PACRG: variants seen among roughly 807,000 people sequenced by gnomAD.
PACRG encodes parkin coregulated, also known as parkin coregulated gene protein.
Under a neutral mutation model 29.7 loss-of-function variants are expected in PACRG, and 29 were observed. That is an observed-to-expected ratio of 0.98 (90% CI 0.73 to 1.33). The LOEUF (loss-of-function observed/expected upper bound fraction) is 1.33, where lower values mean the gene tolerates loss of function less well. Ranked by LOEUF, PACRG falls within the 40% of genes most tolerant of loss-of-function variation. The pLI is 0.00. For missense variants in PACRG, 279 were observed against 316.2 expected (o/e 0.88, Z 0.89); for synonymous variants, 116 against 118.7 (o/e 0.98, Z 0.15).
intron 2 of PACRG, among the ~76,000 whole-genome samples, chr6:163,029,312 A>G (rs758853749): frequency 2.5e-4 from 38 of 152,246 alleles, no homozygotes; most frequent in Middle Eastern, 3.4e-3. Flanking sequence ...TATCAGATAC[A>G]CTTGTGTTGT....
chr6:163,157,583 G>T (rs1343331953), intron 4 of PACRG, among the ~76,000 whole-genome samples: 2 of 152,164 alleles, frequency 1.3e-5, no homozygotes, highest in East Asian at 3.9e-4. Flanking sequence ...ACATTAGGCT[G>T]CAGAGCTCGT....
intron 2 of PACRG, among the ~76,000 whole-genome samples, chr6:163,015,329 G>A (rs1220493903): frequency 6.6e-6 from 1 of 151,994 alleles, no homozygotes; most frequent in Non-Finnish European, 1.5e-5. Context: ...TTGGCTATTC[G>A]GCCTCATTTC....
chr6:163,249,118 C>T (rs2128171505), intron 4 of PACRG, among the ~76,000 whole-genome samples: 1 of 150,796 alleles, frequency 6.6e-6, no homozygotes. Context: ...ATAGTGCTTT[C>T]TTAGCCATAA....
intron 2 of PACRG, among the ~76,000 whole-genome samples, chr6:162,882,229 G>A (rs1227112402): frequency 6.8e-6 from 1 of 147,640 alleles, no homozygotes; most frequent in South Asian, 2.2e-4. Context: ...AGACAGTGGG[G>A]TGCTTTCCAC....
At chr6:162,888,095 G>GGCT (rs1222157096) in intron 2 of PACRG, among the ~76,000 whole-genome samples, 1 of 152,028 alleles carries the variant, frequency 6.6e-6, no homozygotes, top group Non-Finnish European at 1.5e-5. Context: ...GGTGAGCATG[G>GGCT]GCTGCGGGGT....
chr6:163,287,359 C>T lies in PACRG; in HGVS notation c.614-27468C>T, dbSNP rs75589840. ...TACAGAAGGGAAAGGGACCCCTCACCAGGAAGAGCCAGTTTCCCAACCCCA... is the reference window on the plus strand; with the variant it reads ...TACAGAAGGGAAAGGGACCCCTCACTAGGAAGAGCCAGTTTCCCAACCCCA... On this transcript the variant is annotated intron_variant, in intron 4 of 4. Transcript: ENST00000366888. 3.2e-3 allele frequency among the ~76,000 whole-genome samples: 490 copies of T among 152,286 alleles called. 2 individuals carry two copies. The highest frequency in any genetic ancestry group is 0.017 in the Middle Eastern group (5 of 294).
At chr6:163,090,713 G>A (rs1814025582) in intron 4 of PACRG, among the ~76,000 whole-genome samples, 1 of 152,244 alleles carries the variant, frequency 6.6e-6, no homozygotes, top group South Asian at 2.1e-4. Flanking sequence ...TTCAACTAAG[G>A]TCGATAAAAG....
intron 2 of PACRG, among the ~76,000 whole-genome samples, chr6:162,968,482 C>G (rs1801237455): frequency 6.6e-6 from 1 of 152,122 alleles, no homozygotes; most frequent in Admixed American, 6.5e-5. Context: ...AAAGCAAGAA[C>G]AAAACAGCAT....
intron 2 of PACRG, among the ~76,000 whole-genome samples, chr6:162,894,555 C>T (rs1356514268): frequency 6.6e-6 from 1 of 152,110 alleles, no homozygotes; most frequent in Non-Finnish European, 1.5e-5. Flanking sequence ...GGGTGCACGC[C>T]GAGCCTGCCT....
intron 2 of PACRG, among the ~76,000 whole-genome samples, chr6:162,831,471 T>G (rs565986777): frequency 6.6e-6 from 1 of 152,324 alleles, no homozygotes; most frequent in African/African-American, 2.4e-5. Flanking sequence ...TTAGTGAAAC[T>G]TGATACATTT....
rs149517328 is a variant in PACRG at position 162,829,604 on chromosome 6, C to T, written c.291+15323C>T. Among the ~76,000 whole-genome samples the T allele has an allele frequency of 5.4e-3, 819 of 152,248 alleles. 8 individuals are homozygous for T. The highest frequency in any genetic ancestry group is 0.01 in the Middle Eastern group (3 of 294). ...TTTGGTGAACGATGAACTGCATATTCGATGGTGGGACCGTAAGATTATAAC... is the reference window on the plus strand; with the variant it reads ...TTTGGTGAACGATGAACTGCATATTTGATGGTGGGACCGTAAGATTATAAC... On this transcript the variant is annotated intron_variant, in intron 2 of 4. Coordinates refer to ENST00000366888, the MANE Select transcript of PACRG (RefSeq NM_001080379.2).
intron 1 of PACRG, among the ~76,000 whole-genome samples, chr6:162,746,263 T>C (rs1224436664): frequency 6.6e-6 from 1 of 152,196 alleles, no homozygotes; most frequent in Non-Finnish European, 1.5e-5. Flanking sequence ...ATTTATATTT[T>C]AAGGTTATTT....
chr6:163,192,623 T>C (rs1277876167), intron 4 of PACRG, among the ~76,000 whole-genome samples: 1 of 151,218 alleles, frequency 6.6e-6, no homozygotes, highest in African/African-American at 2.4e-5. Flanking sequence ...AAGATGAGCA[T>C]GAATTAAGGT....
rs542642190 is a variant in PACRG, at chr6:162,909,801, A to T, written c.291+95520A>T. The stretch of plus-strand genomic sequence containing the variant: ...TTATCTGAATTATCCTCCATGAATT[A>T]TCCCCCAATACCTGGTACAGTGATT... On this transcript the variant is annotated intron_variant, in intron 2 of 4. Coordinates refer to ENST00000366888, the MANE Select transcript of PACRG (RefSeq NM_001080379.2). Among the ~76,000 whole-genome samples, 19 of 152,304 alleles carry T rather than the reference A, an allele frequency of 1.2e-4. 1 individual carries two copies. The South Asian group carries it at 3.9e-3, about 32-fold the overall frequency.
intron 2 of PACRG, among the ~76,000 whole-genome samples, chr6:162,926,626 C>A (rs1293412457): frequency 6.6e-6 from 1 of 152,134 alleles, no homozygotes; most frequent in African/African-American, 2.4e-5. Flanking sequence ...AACTGGGTCC[C>A]TTCCTTACAC....
At chr6:163,079,877 T>C (rs959677651) in intron 3 of PACRG, among the ~76,000 whole-genome samples, 9 of 149,360 alleles carry the variant, frequency 6.0e-5, no homozygotes, top group African/African-American at 2.0e-4. Flanking sequence ...GAAGAAGAAA[T>C]GTAGCAGTCA....
chr6:162,768,196 T>C (rs1782947071), intron 1 of PACRG, among the ~76,000 whole-genome samples: 3 of 152,092 alleles, frequency 2.0e-5, no homozygotes, highest in Non-Finnish European at 4.4e-5. Context: ...TGTTTTCATT[T>C]TACTGTCATT....
chr6:162,776,928 G>T (rs1346556943), intron 1 of PACRG, among the ~76,000 whole-genome samples: 1 of 152,110 alleles, frequency 6.6e-6, no homozygotes, highest in Non-Finnish European at 1.5e-5. Flanking sequence ...TTGGACTTTG[G>T]GGAAAGGGTG....
chr6:163,109,248 G>A (rs1045109926), intron 4 of PACRG, among the ~76,000 whole-genome samples: 5 of 152,206 alleles, frequency 3.3e-5, no homozygotes, highest in African/African-American at 1.2e-4. Flanking sequence ...CTCCCCAAAA[G>A]TCAATCATTT....
Sources: allele counts gnomAD v4.1 joint callset (sites outside exome capture counted in the v4.1 genomes callset), GRCh38; gene constraint gnomAD v4.1.1; transcripts MANE v1.5; gene names NCBI Gene and HGNC (gene_info 2026-07-23, HGNC 2026-07-21).